The following PARD3 variants were observed in gnomAD, a reference collection of about 807,000 sequenced individuals.
PARD3 encodes par-3 family cell polarity regulator, also known as partitioning defective 3 homolog.
PARD3 carries 75 observed loss-of-function variants against 155.4 expected under a neutral mutation model. The ratio of observed to expected loss-of-function variants is 0.48; its 90% CI spans 0.40 to 0.58. PARD3 has a LOEUF of 0.58. Ranked by LOEUF, PARD3 falls within the 20% of genes least tolerant of loss-of-function variation. PARD3 has a pLI of 0.00. For missense variants in PARD3, 1,642 were observed against 1,721.7 expected (o/e 0.95, Z 0.82); for synonymous variants, 576 against 610.5 (o/e 0.94, Z 0.83).
intron 16 of PARD3, among the ~76,000 whole-genome samples, chr10:34,339,292 G>A (rs1453562561): frequency 6.6e-6 from 1 of 152,012 alleles, no homozygotes; most frequent in Non-Finnish European, 1.5e-5. Flanking sequence ...GGGAGGCGGA[G>A]CTTGCAGTGA....
intron 5 of PARD3, among the ~76,000 whole-genome samples, chr10:34,416,495 G>A (rs987742826): frequency 1.3e-5 from 2 of 152,146 alleles, no homozygotes; most frequent in African/African-American, 4.8e-5. Context: ...AGGTTCTACA[G>A]TAACAGTGAG....
At chr10:34,220,097 T>C (rs1207994358) in intron 22 of PARD3, among the ~76,000 whole-genome samples, 2 of 152,196 alleles carry the variant, frequency 1.3e-5, no homozygotes, top group Non-Finnish European at 2.9e-5. Flanking sequence ...TTAAGGTTAT[T>C]GAAACTGAAT....
intron 2 of PARD3, among the ~76,000 whole-genome samples, chr10:34,685,738 C>T (rs1254972130): frequency 6.6e-6 from 1 of 151,898 alleles, no homozygotes; most frequent in Non-Finnish European, 1.5e-5. Context: ...GGACGACAGG[C>T]GCGCATGACC....
At chr10:34,532,671 C>T (rs1418627891) in intron 2 of PARD3, among the ~76,000 whole-genome samples, 2 of 152,176 alleles carry the variant, frequency 1.3e-5, no homozygotes, top group Non-Finnish European at 2.9e-5. Context: ...AGAAAAAGTA[C>T]ATTTTCTAAC....
intron 22 of PARD3, among the ~76,000 whole-genome samples, chr10:34,190,721 A>C (rs2087662448): frequency 6.6e-6 from 1 of 152,180 alleles, no homozygotes; most frequent in African/African-American, 2.4e-5. Context: ...CTGTAACCAG[A>C]GGCCGGGAAT....
intron 22 of PARD3, among the ~76,000 whole-genome samples, chr10:34,240,118 C>A (rs1953486375): frequency 6.6e-6 from 1 of 152,174 alleles, no homozygotes; most frequent in African/African-American, 2.4e-5. Flanking sequence ...TTCCCTTTTA[C>A]AGACCAAGAA....
chr10:34,433,797 G>A (rs2076061155), intron 5 of PARD3, among the ~76,000 whole-genome samples: 1 of 152,020 alleles, frequency 6.6e-6, no homozygotes, highest in African/African-American at 2.4e-5. Flanking sequence ...CAAATTACAA[G>A]CAGAAAGCCC....
At chr10:34,218,177 C>G (rs894229849) in intron 22 of PARD3, among the ~76,000 whole-genome samples, 3 of 152,184 alleles carry the variant, frequency 2.0e-5, no homozygotes, top group African/African-American at 7.2e-5. Flanking sequence ...CCAAATTATG[C>G]TCTGAATCTC....
At chr10:34,572,511 C>T (rs1015439153) in intron 2 of PARD3, among the ~76,000 whole-genome samples, 2 of 149,354 alleles carry the variant, frequency 1.3e-5, no homozygotes, top group Admixed American at 6.6e-5. Flanking sequence ...GTGGTGGGTG[C>T]GCCTGCAGTC....
chr10:34,468,786 CAG>C (rs1195128802), intron 4 of PARD3, among the ~76,000 whole-genome samples: 13 of 151,972 alleles, frequency 8.6e-5, no homozygotes, highest in African/African-American at 1.2e-4. Flanking sequence ...AGAATTACTA[CAG>C]AGAGGAGTGT....
chr10:34,285,143 G>C (rs537842775), intron 20 of PARD3, among the ~76,000 whole-genome samples: 1 of 152,264 alleles, frequency 6.6e-6, no homozygotes, highest in East Asian at 1.9e-4. Flanking sequence ...CTGGTCACCA[G>C]ATGTTTCAAA....
chr10:34,172,610 C>T (rs1402890192), intron 22 of PARD3, among the ~76,000 whole-genome samples: 1 of 151,970 alleles, frequency 6.6e-6, no homozygotes, highest in East Asian at 1.9e-4. Context: ...CATGGACCAC[C>T]TTTTGAGTAG....
At chr10:34,430,518 G>T (rs773955) in intron 5 of PARD3, among the ~76,000 whole-genome samples, 1 of 151,894 alleles carries the variant, frequency 6.6e-6, no homozygotes, top group African/African-American at 2.4e-5. Flanking sequence ...ACTAGCATAC[G>T]GTAACTAAAA....
rs148656299 is a variant in PARD3 at position 34,592,765 on chromosome 10, ACT to A, written c.223-75608_223-75607del. ...ATTCCAGCCTGGGCAACAGAGCAATACTCTGTCTCAAAAACTATATAATAATA... is the reference window on the plus strand; with the variant it reads ...ATTCCAGCCTGGGCAACAGAGCAATACTGTCTCAAAAACTATATAATAATA... On this transcript the variant is annotated intron_variant, in intron 2 of 24. Transcript: ENST00000374788. Among the ~76,000 whole-genome samples, 1,241 of 152,236 alleles carry A rather than the reference ACT, an allele frequency of 8.2e-3. 17 individuals are homozygous for A. The highest frequency in any genetic ancestry group is 0.028 in the African/African-American group (1,179 of 41,540).
chr10:34,340,730 G>A (rs1015770624), intron 16 of PARD3, among the ~76,000 whole-genome samples: 3 of 152,006 alleles, frequency 2.0e-5, no homozygotes, highest in East Asian at 1.9e-4. Context: ...AAATGTTAAC[G>A]CAAATAAATG....
rs142958404 is a variant in PARD3 at position 34,382,806 on chromosome 10, T to C, written c.1133A>G (p.Tyr378Cys). 1 of 1,614,214 alleles carries C rather than the reference T, an allele frequency of 6.2e-7. No individual in the cohort carries two copies. Among genetic ancestry groups the C allele is most frequent in the Non-Finnish European group, 8.5e-7 (1 of 1,180,032 alleles). ...QLSQSEKNNY[Y>C]SSRFSPDSQY... is the part of the protein sequence containing the mutation. The stretch of plus-strand genomic sequence containing the variant: ...GCTGTCAGGGCTAAAACGGCTTGAA[T>C]AGTAATTGTTCTTCTCACTTTGGGA... Residue 378 changes from tyrosine (Y) to cysteine (C), a missense_variant, in exon 9 of 25, where the codon TAT becomes TGT. By Grantham distance (194) the Tyr-to-Cys change is radical. Coordinates refer to ENST00000374788, the MANE Select transcript of PARD3 (RefSeq NM_001184785.2).
At chr10:34,326,176 A>G (rs1704330110) in intron 19 of PARD3, among the ~76,000 whole-genome samples, 2 of 152,048 alleles carry the variant, frequency 1.3e-5, no homozygotes, top group Non-Finnish European at 2.9e-5. Flanking sequence ...CATTCAAAAC[A>G]CTTCAGATGT....
chr10:34,233,132 C>T (rs1362661343), intron 22 of PARD3, among the ~76,000 whole-genome samples: 3 of 147,980 alleles, frequency 2.0e-5, no homozygotes, highest in Admixed American at 6.9e-5. Context: ...CCTTGCCTCC[C>T]GTAAACTCTT....
At chr10:34,574,011 G>C (rs2086686971) in intron 2 of PARD3, among the ~76,000 whole-genome samples, 1 of 151,954 alleles carries the variant, frequency 6.6e-6, no homozygotes, top group Non-Finnish European at 1.5e-5. Flanking sequence ...TTTATCTTTT[G>C]AGAGCAAATT....
Sources: allele counts gnomAD v4.1 joint callset (sites outside exome capture counted in the v4.1 genomes callset), GRCh38; gene constraint gnomAD v4.1.1; transcripts MANE v1.5; gene names NCBI Gene and HGNC (gene_info 2026-07-23, HGNC 2026-07-21).